ARHGAP24: variants seen among roughly 807,000 people sequenced by gnomAD.
The protein encoded by ARHGAP24 is rho GTPase-activating protein 24.
ARHGAP24 carries 50 observed loss-of-function variants against 76.4 expected under a neutral mutation model. The ratio of observed to expected loss-of-function variants is 0.65; its 90% CI spans 0.52 to 0.83. The LOEUF (loss-of-function observed/expected upper bound fraction) is 0.83. Among genes scored for constraint, ARHGAP24 ranks in the 40% least tolerant of loss-of-function variants. The probability of loss-of-function intolerance (pLI) is 0.00; values close to 1 mark genes in which losing one functional copy is unlikely to be tolerated. For synonymous variants in ARHGAP24, 345 were observed against 323.3 expected, an observed-to-expected ratio of 1.07 and a Z score of -0.72; for missense variants, 930 against 914.2, an observed-to-expected ratio of 1.02 and a Z score of -0.22.
chr4:85,930,984 T>A (rs1180130662), intron 4 of ARHGAP24: 1 of 1,613,958 alleles, frequency 6.2e-7, no homozygotes, highest in Non-Finnish European at 8.5e-7. Context: ...TAGCCTCAAC[T>A]CCTTTCATCC....
chr4:85,886,188 A>G (rs1733556668), intron 3 of ARHGAP24, among the ~76,000 whole-genome samples: 1 of 152,172 alleles, frequency 6.6e-6, no homozygotes, highest in Non-Finnish European at 1.5e-5. Context: ...CAAAAGTTTA[A>G]TGATTGTCAA....
chr4:85,872,806 G>A (rs1341198198), intron 3 of ARHGAP24, among the ~76,000 whole-genome samples: 1 of 150,676 alleles, frequency 6.6e-6, no homozygotes, highest in East Asian at 2.0e-4. Context: ...TTGCCATGTT[G>A]CCCAGGCTGG....
At chr4:85,722,385 C>CAAA (rs535753993) in intron 3 of ARHGAP24, 50 of 137,818 alleles carry the variant, frequency 3.6e-4, no homozygotes, top group African/African-American at 1.5e-3. Context: ...TTGCAAAAAA[C>CAAA]AAAAAAAAAA....
intron 3 of ARHGAP24, among the ~76,000 whole-genome samples, chr4:85,828,421 T>G (rs947573476): frequency 5.9e-5 from 9 of 152,312 alleles, no homozygotes; most frequent in Admixed American, 5.9e-4. Flanking sequence ...TGCCTTAGGA[T>G]TTGATCTGTT....
At chr4:85,582,306 A>ATGG (rs1727646570) in intron 2 of ARHGAP24, among the ~76,000 whole-genome samples, 1 of 152,152 alleles carries the variant, frequency 6.6e-6, no homozygotes, top group Non-Finnish European at 1.5e-5. Flanking sequence ...AAATAATGAC[A>ATGG]CTATGGCTTA....
chr4:85,984,244 G>A (rs1739853379), intron 8 of ARHGAP24, among the ~76,000 whole-genome samples: 1 of 152,184 alleles, frequency 6.6e-6, no homozygotes, highest in Admixed American at 6.5e-5. Context: ...ATTGGTAAGT[G>A]GGTGAGTGTC....
chr4:85,882,851 A>G (rs964815026), intron 3 of ARHGAP24, among the ~76,000 whole-genome samples: 1 of 152,158 alleles, frequency 6.6e-6, no homozygotes, highest in African/African-American at 2.4e-5. Context: ...ACCAAACAGG[A>G]CCTAAAACAG....
chr4:85,546,835 G>A (rs1578023934), intron 1 of ARHGAP24, among the ~76,000 whole-genome samples: 1 of 152,240 alleles, frequency 6.6e-6, no homozygotes, highest in East Asian at 1.9e-4. Context: ...TAGAGGAATA[G>A]TACTAGGAAC....
At chr4:85,707,275 G>A (rs1405746423) in intron 2 of ARHGAP24, among the ~76,000 whole-genome samples, 2 of 152,094 alleles carry the variant, frequency 1.3e-5, no homozygotes, top group East Asian at 1.9e-4. Flanking sequence ...ACCCATGCAA[G>A]GATATATTTT....
chr4:85,503,118 G>GC (rs1685987197), intron 1 of ARHGAP24, among the ~76,000 whole-genome samples: 1 of 152,186 alleles, frequency 6.6e-6, no homozygotes, highest in Non-Finnish European at 1.5e-5. Flanking sequence ...GATTCAGTTT[G>GC]CCAGTTTTTT....
chr4:85,923,545 G>T, intron 3 of ARHGAP24, 103 bp from the exon 4 acceptor site: 3 of 1,501,186 alleles, frequency 2.0e-6, no homozygotes, highest in East Asian at 4.6e-5. Context: ...AACTTAGTGC[G>T]GGCTGTATTA....
intron 5 of ARHGAP24, among the ~76,000 whole-genome samples, chr4:85,955,470 C>G (rs1004678130): frequency 2.6e-5 from 4 of 152,308 alleles, no homozygotes; most frequent in South Asian, 2.1e-4. Context: ...GAGCCATGCT[C>G]TCTCTGAAGG....
chr4:85,764,671 A>G (rs1041207311), intron 3 of ARHGAP24, among the ~76,000 whole-genome samples: 1 of 152,070 alleles, frequency 6.6e-6, no homozygotes, highest in Non-Finnish European at 1.5e-5. Context: ...AGGAGAAACC[A>G]AGGACATTTT....
At chr4:85,713,655 A>C (rs1408290245) in intron 2 of ARHGAP24, among the ~76,000 whole-genome samples, 1 of 152,096 alleles carries the variant, frequency 6.6e-6, no homozygotes, top group Non-Finnish European at 1.5e-5. Flanking sequence ...TGCTCCTCAA[A>C]TTACTGGTGC....
chr4:85,689,089 C>A (rs934849408), intron 2 of ARHGAP24, among the ~76,000 whole-genome samples: 2 of 152,076 alleles, frequency 1.3e-5, no homozygotes, highest in Admixed American at 6.6e-5. Flanking sequence ...TGAAAAATAA[C>A]ATTGGTGGTT....
At chr4:85,525,276 C>T (rs1433918220) in intron 1 of ARHGAP24, among the ~76,000 whole-genome samples, 2 of 103,118 alleles carry the variant, frequency 1.9e-5, no homozygotes, top group East Asian at 7.0e-4. Context: ...TTTTTTTTTA[C>T]CGTAGCTCAC....
chr4:85,675,488 G>A (rs898514979), intron 2 of ARHGAP24, among the ~76,000 whole-genome samples: 1 of 152,166 alleles, frequency 6.6e-6, no homozygotes, highest in Non-Finnish European at 1.5e-5. Flanking sequence ...ATACTGCAGT[G>A]GCCAAAAGAA....
intron 2 of ARHGAP24, among the ~76,000 whole-genome samples, chr4:85,631,575 A>C (rs1721160298): frequency 6.6e-6 from 1 of 152,162 alleles, no homozygotes; most frequent in East Asian, 1.9e-4. Context: ...ACAAAAAATT[A>C]TACAACCGTA....
intron 3 of ARHGAP24, among the ~76,000 whole-genome samples, chr4:85,731,132 C>T (rs1262683995): frequency 6.6e-6 from 1 of 151,668 alleles, no homozygotes; most frequent in Non-Finnish European, 1.5e-5. Context: ...AGTGGTAAAG[C>T]CAGGATTCAC....
Sources: allele counts gnomAD v4.1 joint callset (sites outside exome capture counted in the v4.1 genomes callset), GRCh38; gene constraint gnomAD v4.1.1; transcripts MANE v1.5; gene names NCBI Gene and HGNC (gene_info 2026-07-23, HGNC 2026-07-21).